The following PRDM16 variants were observed in gnomAD, a reference collection of about 807,000 sequenced individuals.
PRDM16 encodes histone-lysine N-methyltransferase PRDM16.
Under a neutral mutation model 110.6 loss-of-function variants are expected in PRDM16, and 23 were observed. The observed-to-expected ratio is 0.21, with a 90% CI of 0.15 to 0.29. The LOEUF (loss-of-function observed/expected upper bound fraction) is 0.29, where lower values mean the gene tolerates loss of function less well. PRDM16 is among the 10% of genes least tolerant of loss of function. The pLI is 1.00. For synonymous variants in PRDM16, 799 were observed against 781.8 expected, an observed-to-expected ratio of 1.02 and a Z score of -0.37; for missense variants, 1,615 against 1,794.3, an observed-to-expected ratio of 0.90 and a Z score of 1.81.
chr1:3,272,481 T>C (rs1243873697), intron 3 of PRDM16, among the ~76,000 whole-genome samples: 1 of 152,130 alleles, frequency 6.6e-6, no homozygotes, highest in Non-Finnish European at 1.5e-5. Context: ...GCCTCTGCTG[T>C]GAGGCTCCTT....
intron 3 of PRDM16, among the ~76,000 whole-genome samples, chr1:3,260,918 A>T (rs541205900): frequency 2.3e-4 from 34 of 150,520 alleles, no homozygotes; most frequent in Non-Finnish European, 4.4e-4. Context: ...AAGGGACCAG[A>T]AGACCCCAGA....
intron 2 of PRDM16, among the ~76,000 whole-genome samples, chr1:3,224,561 G>A (rs777515647): frequency 6.6e-6 from 1 of 152,140 alleles, no homozygotes; most frequent in Non-Finnish European, 1.5e-5. Context: ...TCGGGGCTTC[G>A]GCCAGTGCTT....
intron 1 of PRDM16, among the ~76,000 whole-genome samples, chr1:3,130,293 C>G (rs2100681801): frequency 6.6e-6 from 1 of 152,330 alleles, no homozygotes; most frequent in South Asian, 2.1e-4. Flanking sequence ...TGGGGAGAAG[C>G]TGGGGGCTCC....
rs148691115 is a variant in PRDM16, at chr1:3,309,789, C to G, written c.438+65652C>G. 620 of 152,422 alleles carry G rather than the reference C, an allele frequency of 4.1e-3. 3 individuals carry two copies. Among genetic ancestry groups the G allele is most frequent in the Non-Finnish European group, 6.3e-3 (430 of 68,104 alleles). 9.4% of individuals were successfully genotyped at this position (152,422 alleles called of 1,614,324 possible). A position where few individuals can be genotyped will look rare whatever the true frequency, so the allele number is the denominator to read the frequency against. On this transcript the variant is annotated intron_variant, in intron 3 of 16. Transcript: ENST00000270722. ...TGGGCTAGGAGCAGAGGGCTACAGC[C>G]ACTGTCAGAGGGAGGACCTGAGAAA...
intron 11 of PRDM16, 61 bp downstream of exon 11, chr1:3,418,058 G>A: frequency 7.1e-7 from 1 of 1,416,946 alleles, no homozygotes; most frequent in Non-Finnish European, 9.6e-7. Flanking sequence ...CACACCTGTG[G>A]CTGTGAACCT....
intron 1 of PRDM16, among the ~76,000 whole-genome samples, chr1:3,158,878 A>C (rs750152687): frequency 6.6e-6 from 1 of 151,042 alleles, no homozygotes; most frequent in African/African-American, 2.4e-5. Context: ...GGTTCAAGCA[A>C]TTCTCCCTGC....
At chr1:3,374,304 T>C (rs1352447816) in intron 3 of PRDM16, among the ~76,000 whole-genome samples, 2 of 152,228 alleles carry the variant, frequency 1.3e-5, no homozygotes. Flanking sequence ...GGGCGCCCCC[T>C]TGGCAAAGAG....
intron 1 of PRDM16, among the ~76,000 whole-genome samples, chr1:3,134,953 T>C (rs1643406813): frequency 6.6e-6 from 1 of 152,006 alleles, no homozygotes. Context: ...GCTGGCCTGG[T>C]AGGGGAGCTG....
Position 3,426,130 on chromosome 1 carries a change from AC to A in PRDM16, c.3190del (p.Leu1064PhefsTer2), listed in dbSNP as rs763959437. On this transcript the variant is annotated frameshift_variant, in exon 14 of 17. Transcript: ENST00000270722. LOFTEE classifies it high-confidence loss of function. ...SPTSESDNHA[L>X]LDEKEDSYFS... Reference sequence around the variant, plus strand: ...CCACCTCAGAGTCGGACAACCACGCACTTTTAGACGAGAAAGAAGACTCTTA... The same window carrying A: ...CCACCTCAGAGTCGGACAACCACGCATTTTAGACGAGAAAGAAGACTCTTA... 1 of 1,613,976 alleles carries A rather than the reference AC, an allele frequency of 6.2e-7. No individual in the cohort carries two copies. Among genetic ancestry groups the A allele is most frequent in the Non-Finnish European group, 8.5e-7 (1 of 1,179,986 alleles).
At chr1:3,303,017 A>G (rs1448350771) in intron 3 of PRDM16, among the ~76,000 whole-genome samples, 1 of 152,216 alleles carries the variant, frequency 6.6e-6, no homozygotes, top group Non-Finnish European at 1.5e-5. Context: ...TATAATATAT[A>G]TCAGTTTTAT....
rs539898538 is a variant in PRDM16, at chr1:3,436,141, A to C, written c.*2330A>C. Reference sequence around the variant, plus strand: ...TAAAAATTCAACCTCAGACATAAACACCCCATTTCTGTAAACCCAAATTAT... The same window carrying C: ...TAAAAATTCAACCTCAGACATAAACCCCCCATTTCTGTAAACCCAAATTAT... On this transcript the variant is annotated 3_prime_UTR_variant, in exon 17 of 17. Transcript: ENST00000270722. 8 of 228,172 alleles carry C rather than the reference A, an allele frequency of 3.5e-5. No individual in the cohort carries two copies. The highest frequency in any genetic ancestry group is 6.9e-5 in the Non-Finnish European group (8 of 115,674). The allele number at this position is 228,172 out of a possible 1,614,324, so 14.1% of individuals were successfully genotyped here. A position where few individuals can be genotyped will look rare whatever the true frequency, so the allele number is the denominator to read the frequency against.
At chr1:3,241,248 G>C (rs1204014391) in intron 2 of PRDM16, among the ~76,000 whole-genome samples, 1 of 152,258 alleles carries the variant, frequency 6.6e-6, no homozygotes, top group Non-Finnish European at 1.5e-5. Context: ...TTTCTCTGTT[G>C]CCATCGGGCG....
At chr1:3,332,010 C>T (rs1258718371) in intron 3 of PRDM16, among the ~76,000 whole-genome samples, 1 of 152,256 alleles carries the variant, frequency 6.6e-6, no homozygotes, top group East Asian at 1.9e-4. Flanking sequence ...GTGTGCATTC[C>T]TGAACAGGGG....
intron 12 of PRDM16, among the ~76,000 whole-genome samples, chr1:3,419,655 A>G (rs1403391718): frequency 6.6e-6 from 1 of 152,086 alleles, no homozygotes; most frequent in Non-Finnish European, 1.5e-5. Context: ...GCTTAAGTTG[A>G]CAGCATAAGA....
intron 3 of PRDM16, among the ~76,000 whole-genome samples, chr1:3,258,938 C>T (rs1640105994): frequency 6.6e-6 from 1 of 152,174 alleles, no homozygotes; most frequent in African/African-American, 2.4e-5. Context: ...AGCCTGGGCA[C>T]CCCAGAGAGC....
chr1:3,223,975 T>C (rs1371104523), intron 2 of PRDM16, among the ~76,000 whole-genome samples: 2 of 152,216 alleles, frequency 1.3e-5, no homozygotes, highest in African/African-American at 2.4e-5. Context: ...GGTATCACTT[T>C]TGGAAATTTT....
intron 3 of PRDM16, among the ~76,000 whole-genome samples, chr1:3,317,478 G>A (rs1009286762): frequency 7.9e-5 from 12 of 152,234 alleles, no homozygotes; most frequent in Non-Finnish European, 1.8e-4. Flanking sequence ...TCCGGCATGA[G>A]GCCGTCGGAA....
intron 2 of PRDM16, among the ~76,000 whole-genome samples, chr1:3,242,543 G>A (rs1044199627): frequency 6.6e-6 from 1 of 152,252 alleles, no homozygotes; most frequent in Middle Eastern, 3.4e-3. Context: ...AGCACGCCTC[G>A]GCCCCGCAGG....
At chr1:3,163,946 T>C (rs1382232632) in intron 1 of PRDM16, among the ~76,000 whole-genome samples, 1 of 152,196 alleles carries the variant, frequency 6.6e-6, no homozygotes, top group African/African-American at 2.4e-5. Flanking sequence ...TCATCTCCCA[T>C]GGCCCCCTCT....
Sources: allele counts gnomAD v4.1 joint callset (sites outside exome capture counted in the v4.1 genomes callset), GRCh38; gene constraint gnomAD v4.1.1; transcripts MANE v1.5; gene names NCBI Gene and HGNC (gene_info 2026-07-23, HGNC 2026-07-21).